The following TMEM65 variants were observed in gnomAD, a reference collection of about 807,000 sequenced individuals.
The protein encoded by TMEM65 is transmembrane protein 65.
A neutral mutation model predicts 25.4 loss-of-function variants in TMEM65; 22 were observed. The ratio of observed to expected loss-of-function variants is 0.86; its 90% CI spans 0.62 to 1.23. The LOEUF (loss-of-function observed/expected upper bound fraction) is 1.23, where lower values mean the gene tolerates loss of function less well. TMEM65 is among the 50% of genes most tolerant of loss of function. TMEM65 has a pLI of 0.00. For synonymous variants in TMEM65, 132 were observed against 126.2 expected (o/e 1.05, Z -0.31); for missense variants, 262 against 308.2 (o/e 0.85, Z 1.12).
At chr8:124,348,043 A>G (rs79438306) in intron 1 of TMEM65, among the ~76,000 whole-genome samples, 1,492 of 129,018 alleles carry the variant, frequency 0.012, 32 homozygotes, top group Middle Eastern at 0.019. Context: ...GGCAGTAGCC[A>G]GGGTTACAGG....
At chr8:124,351,891 C>T (rs543045659) in intron 1 of TMEM65, among the ~76,000 whole-genome samples, 2 of 152,338 alleles carry the variant, frequency 1.3e-5, no homozygotes, top group East Asian at 3.9e-4. Flanking sequence ...CAGAATTTCA[C>T]TTCAGCATTT....
intron 1 of TMEM65, among the ~76,000 whole-genome samples, chr8:124,331,272 T>C (rs185968982): frequency 6.6e-6 from 1 of 151,254 alleles, no homozygotes; most frequent in East Asian, 1.9e-4. Flanking sequence ...TTTAAAGCAA[T>C]GTATGAAAAC....
chr8:124,340,473 T>C (rs1217401186), intron 1 of TMEM65, among the ~76,000 whole-genome samples: 1 of 152,202 alleles, frequency 6.6e-6, no homozygotes, highest in Admixed American at 6.5e-5. Context: ...GGGTAATCTT[T>C]GGCAAATAAG....
At chr8:124,314,170 C>T (rs1285205399) in intron 6 of TMEM65, 109 bp from the exon 7 acceptor site, 3 of 771,620 alleles carry the variant, frequency 3.9e-6, no homozygotes, top group Non-Finnish European at 6.6e-6. Context: ...TGCTACCCTT[C>T]ATATATATTC....
At chr8:124,361,624 G>C (rs891484962) in intron 1 of TMEM65, among the ~76,000 whole-genome samples, 2 of 151,812 alleles carry the variant, frequency 1.3e-5, no homozygotes, top group East Asian at 3.9e-4. Context: ...CTTGAGGTCA[G>C]GAGTTCGAGA....
In TMEM65 at chr8:124,312,154, C is replaced by G. The variant is rs973769306; in HGVS notation, c.*1806G>C. The G allele has an allele frequency of 6.7e-6, 1 of 148,166 alleles. No homozygotes were observed. The highest frequency in any genetic ancestry group is 2.5e-5 in the African/African-American group (1 of 40,458). The allele number at this position is 148,166 out of a possible 1,614,324, so 9.2% of individuals were successfully genotyped here. On this transcript the variant is annotated 3_prime_UTR_variant, in exon 7 of 7. Transcript: ENST00000297632. The stretch of plus-strand genomic sequence containing the variant: ...CCCCAAAAATTTAAGCACTCTAATC[C>G]TATCAATCAGAAATTTTACAAAGGA...
intron 1 of TMEM65, among the ~76,000 whole-genome samples, chr8:124,346,120 G>A (rs1163151236): frequency 2.6e-5 from 4 of 152,228 alleles, no homozygotes; most frequent in Non-Finnish European, 5.9e-5. Flanking sequence ...GTGGCAGAGG[G>A]TGAAGGGAAA....
chr8:124,306,513 A>G lies in TMEM65; in HGVS notation c.*7447T>C, dbSNP rs1814093419. 6.6e-6 allele frequency: 1 copy of G among 152,372 alleles called. No individual in the cohort carries two copies. Among genetic ancestry groups the G allele is most frequent in the Non-Finnish European group, 1.5e-5 (1 of 68,154 alleles). The allele number at this position is 152,372 out of a possible 1,614,324, so 9.4% of individuals were successfully genotyped here. ...AAAATTTTTTTGGAAATTTGCAACAATTTAAAAAACTTGCAGATGCACCAT... is the reference window on the plus strand; with the variant it reads ...AAAATTTTTTTGGAAATTTGCAACAGTTTAAAAAACTTGCAGATGCACCAT... On this transcript the variant is annotated 3_prime_UTR_variant, in exon 7 of 7. Coordinates refer to ENST00000297632, the MANE Select transcript of TMEM65 (RefSeq NM_194291.3).
intron 1 of TMEM65, among the ~76,000 whole-genome samples, chr8:124,350,477 TCACACACACACA>T (rs59193124): frequency 0.013 from 1,977 of 146,884 alleles, 49 homozygotes; most frequent in East Asian, 0.11. Flanking sequence ...TCTCTCTCTC[TCACACACACACA>T]CACACACACA....
intron 1 of TMEM65, among the ~76,000 whole-genome samples, chr8:124,340,689 T>G (rs1380454806): frequency 1.3e-5 from 2 of 152,136 alleles, no homozygotes; most frequent in African/African-American, 4.8e-5. Context: ...CAAGCATAAT[T>G]ATTAAAAACG....
intron 6 of TMEM65, 120 bp from the exon 7 acceptor site, chr8:124,314,181 C>T (rs1586453794): frequency 9.6e-6 from 7 of 725,802 alleles, no homozygotes; most frequent in East Asian, 5.4e-5. Flanking sequence ...ATATATATTC[C>T]TCTTCAATAT....
At chr8:124,350,115 C>T (rs1018336175) in intron 1 of TMEM65, among the ~76,000 whole-genome samples, 2 of 94,562 alleles carry the variant, frequency 2.1e-5, no homozygotes. Context: ...TGTACTAATA[C>T]ATCAGTGTGT....
In TMEM65 at chr8:124,308,127, T is replaced by C. The variant is rs1266718363; in HGVS notation, c.*5833A>G. On this transcript the variant is annotated 3_prime_UTR_variant, in exon 7 of 7. Transcript: ENST00000297632. ...GAACCCTTTTTCTGGATTGGCTCCA[T>C]TGCTGTTTTGTCTTTGAAGTCAGGA... 6.6e-6 allele frequency: 1 copy of C among 152,170 alleles called. No individual in the cohort carries two copies. Among genetic ancestry groups the C allele is most frequent in the African/African-American group, 2.4e-5 (1 of 41,440 alleles). 9.4% of individuals were successfully genotyped at this position (152,170 alleles called of 1,614,324 possible).
chr8:124,350,891 A>G, intron 1 of TMEM65: 1 of 570,072 alleles, frequency 1.8e-6, no homozygotes, highest in Non-Finnish European at 2.2e-6. Flanking sequence ...CAGTTAGTTG[A>G]GCATGCAGTT....
chr8:124,337,337 A>G (rs1317254387), intron 1 of TMEM65, among the ~76,000 whole-genome samples: 1 of 152,018 alleles, frequency 6.6e-6, no homozygotes, highest in Non-Finnish European at 1.5e-5. Flanking sequence ...TACAAAGAAG[A>G]GAAAACCAGA....
rs1814227460 is a variant in TMEM65 at position 124,315,686 on chromosome 8, A to C, written c.622-1625T>G. Among the ~76,000 whole-genome samples the C allele has an allele frequency of 1.1e-4, 4 of 35,136 alleles. 1 individual carries two copies. The South Asian group carries it at 6.1e-3, about 54-fold the overall frequency. The allele number at this position is 35,136 out of a possible 152,430, so 23.1% of individuals were successfully genotyped here. On this transcript the variant is annotated intron_variant, in intron 6 of 6. Coordinates refer to ENST00000297632, the MANE Select transcript of TMEM65 (RefSeq NM_194291.3). The stretch of plus-strand genomic sequence containing the variant: ...TAATATTTTGACAATAGCTTGCATA[A>C]AAATTTTTCAACTCTTATTTTGAGG...
At chr8:124,331,843 A>C (rs1352342286) in intron 1 of TMEM65, among the ~76,000 whole-genome samples, 9 of 152,048 alleles carry the variant, frequency 5.9e-5, no homozygotes, top group Non-Finnish European at 1.3e-4. Context: ...TAACAACAAA[A>C]GAACTAAGGA....
chr8:124,369,231 T>A (rs935008415), intron 1 of TMEM65, among the ~76,000 whole-genome samples: 1 of 152,198 alleles, frequency 6.6e-6, no homozygotes, highest in African/African-American at 2.4e-5. Flanking sequence ...ATTTTAAAAA[T>A]CACAATATTC....
intron 1 of TMEM65, among the ~76,000 whole-genome samples, chr8:124,355,608 C>A (rs528596476): frequency 6.6e-6 from 1 of 152,266 alleles, no homozygotes; most frequent in African/African-American, 2.4e-5. Flanking sequence ...ATTTGGGAAG[C>A]AGGGGTCTAG....
Sources: gnomAD v4.1 joint callset for allele counts (sites outside exome capture counted in the v4.1 genomes callset) on GRCh38, gnomAD v4.1.1 for gene constraint, MANE v1.5 for transcripts, NCBI Gene and HGNC (gene_info 2026-07-23, HGNC 2026-07-21) for gene names.